Variants in WWTR1 observed in about 807,000 individuals in gnomAD.
WWTR1 encodes WW domain containing transcription regulator 1, also known as WW domain-containing transcription regulator protein 1.
WWTR1 carries 13 observed loss-of-function variants against 40.1 expected under a neutral mutation model. The ratio of observed to expected loss-of-function variants is 0.32; its 90% CI spans 0.21 to 0.52. WWTR1 has a LOEUF of 0.52. Ranked by LOEUF, WWTR1 falls within the 20% of genes least tolerant of loss-of-function variation. WWTR1 has a pLI of 0.97. For synonymous variants in WWTR1, 230 were observed against 210.1 expected (o/e 1.09, Z -0.82); for missense variants, 436 against 523.1 (o/e 0.83, Z 1.63).
At chr3:149,614,683 C>T (rs56064464) in intron 2 of WWTR1, among the ~76,000 whole-genome samples, 5,775 of 152,190 alleles carry the variant, frequency 0.038, 387 homozygotes, top group African/African-American at 0.13. Flanking sequence ...CAAAAGGAGA[C>T]ATCAGAACGA....
chr3:149,698,036 G>T (rs1715047547), intron 1 of WWTR1, among the ~76,000 whole-genome samples: 1 of 152,234 alleles, frequency 6.6e-6, no homozygotes, highest in Non-Finnish European at 1.5e-5. Context: ...TGGCTTTGCA[G>T]GATGCAGCCC....
intron 3 of WWTR1, among the ~76,000 whole-genome samples, chr3:149,544,268 GA>G (rs1462424713): frequency 2.0e-5 from 3 of 152,164 alleles, no homozygotes; most frequent in African/African-American, 7.2e-5. Flanking sequence ...AGCTTTTCTA[GA>G]GAAGAATAGA....
At chr3:149,656,362 C>T (rs1713203321) in intron 2 of WWTR1, among the ~76,000 whole-genome samples, 1 of 152,202 alleles carries the variant, frequency 6.6e-6, no homozygotes, top group Non-Finnish European at 1.5e-5. Flanking sequence ...TGTCACCCAG[C>T]TGGGAGCACT....
intron 3 of WWTR1, among the ~76,000 whole-genome samples, chr3:149,564,764 T>C (rs1378008568): frequency 3.9e-5 from 6 of 152,208 alleles, no homozygotes; most frequent in East Asian, 1.9e-4. Flanking sequence ...CTAAGCAATG[T>C]GTTTTTCAAA....
At chr3:149,695,220 T>C (rs529959343) in intron 1 of WWTR1, among the ~76,000 whole-genome samples, 11 of 152,154 alleles carry the variant, frequency 7.2e-5, no homozygotes, top group Non-Finnish European at 1.6e-4. Context: ...TATAGGTAGA[T>C]AGAAAGAATA....
At chr3:149,530,145 A>G (rs888726383) in intron 4 of WWTR1, among the ~76,000 whole-genome samples, 87 of 152,260 alleles carry the variant, frequency 5.7e-4, no homozygotes, top group African/African-American at 2.1e-3. Flanking sequence ...CAGGAGATCA[A>G]GACCACCCTG....
chr3:149,562,501 G>A (rs900697337), intron 3 of WWTR1, among the ~76,000 whole-genome samples: 1 of 151,852 alleles, frequency 6.6e-6, no homozygotes, highest in African/African-American at 2.4e-5. Flanking sequence ...TTTCTACAGT[G>A]ACCAAATAGC....
At chr3:149,690,168 A>G (rs1714772483) in intron 1 of WWTR1, among the ~76,000 whole-genome samples, 2 of 152,168 alleles carry the variant, frequency 1.3e-5, no homozygotes, top group Admixed American at 1.3e-4. Context: ...AAAACATACT[A>G]CCAGAGAAAA....
intron 3 of WWTR1, among the ~76,000 whole-genome samples, chr3:149,557,198 G>T (rs1014069929): frequency 6.7e-6 from 1 of 148,508 alleles, no homozygotes; most frequent in African/African-American, 2.5e-5. Flanking sequence ...AGCCTCCCAA[G>T]TAGTTGAGAT....
intron 4 of WWTR1, among the ~76,000 whole-genome samples, chr3:149,717,887 GTATT>G (rs774978804): frequency 5.3e-5 from 8 of 151,894 alleles, no homozygotes; most frequent in South Asian, 2.1e-4. Context: ...ATACTTGTGA[GTATT>G]CATTCATGTT....
At chr3:149,568,539 A>C (rs1333408089) in intron 3 of WWTR1, among the ~76,000 whole-genome samples, 5 of 142,086 alleles carry the variant, frequency 3.5e-5, no homozygotes, top group Admixed American at 6.9e-5. Context: ...AAAAAAAAAA[A>C]AAAAAAAAAA....
At chr3:149,621,943 A>G (rs538881908) in intron 2 of WWTR1, among the ~76,000 whole-genome samples, 78 of 152,274 alleles carry the variant, frequency 5.1e-4, no homozygotes, top group African/African-American at 1.8e-3. Context: ...TTAATCAATC[A>G]TTGAACTTTC....
chr3:149,688,760 A>C (rs1201237754), intron 1 of WWTR1, among the ~76,000 whole-genome samples: 3 of 152,228 alleles, frequency 2.0e-5, no homozygotes, highest in Non-Finnish European at 4.4e-5. Context: ...AAGCATCAAG[A>C]CCATCCAGAA....
At chr3:149,598,139 T>A (rs562779700) in intron 2 of WWTR1, among the ~76,000 whole-genome samples, 4 of 152,244 alleles carry the variant, frequency 2.6e-5, no homozygotes, top group Non-Finnish European at 5.9e-5. Context: ...AGAAAAGCCG[T>A]AAAGGCAAAC....
intron 2 of WWTR1, among the ~76,000 whole-genome samples, chr3:149,665,014 A>T (rs541837895): frequency 2.0e-5 from 3 of 152,036 alleles, no homozygotes; most frequent in African/African-American, 7.2e-5. Flanking sequence ...ATCCTTTAGT[A>T]TTTTTGCTAT....
At chr3:149,569,712 A>G (rs1737529241) in intron 3 of WWTR1, among the ~76,000 whole-genome samples, 1 of 152,286 alleles carries the variant, frequency 6.6e-6, no homozygotes, top group African/African-American at 2.4e-5. Flanking sequence ...TCACATGTAT[A>G]TAAATGCCTT....
intron 2 of WWTR1, among the ~76,000 whole-genome samples, chr3:149,579,869 A>G (rs1422376711): frequency 6.6e-6 from 1 of 152,224 alleles, no homozygotes; most frequent in African/African-American, 2.4e-5. Flanking sequence ...CTTGTGACTC[A>G]GTCCAATTAG....
upstream of WWTR1, among the ~76,000 whole-genome samples, chr3:149,662,800 C>T (rs895170219): frequency 6.6e-6 from 1 of 152,208 alleles, no homozygotes; most frequent in African/African-American, 2.4e-5. Context: ...CTGGTTCTTA[C>T]ATGATCCAGT....
At chr3:149,668,726 G>T (rs1254193580) in intron 2 of WWTR1, among the ~76,000 whole-genome samples, 1 of 152,136 alleles carries the variant, frequency 6.6e-6, no homozygotes, top group Non-Finnish European at 1.5e-5. Context: ...GGGAACGGGG[G>T]ATCCCTTTTA....
Sources: allele counts gnomAD v4.1 joint callset (sites outside exome capture counted in the v4.1 genomes callset), GRCh38; gene constraint gnomAD v4.1.1; transcripts MANE v1.5; gene names NCBI Gene and HGNC (gene_info 2026-07-23, HGNC 2026-07-21).